Variants in PCDHA1 observed in about 807,000 individuals in gnomAD.
The protein encoded by PCDHA1 is protocadherin alpha-1.
In PCDHA1, 42 loss-of-function variants were observed where a neutral mutation model predicts 61.3. That is an observed-to-expected ratio of 0.69 (90% CI 0.54 to 0.89). The LOEUF (loss-of-function observed/expected upper bound fraction) is 0.89. Among genes scored for constraint, PCDHA1 ranks in the 40% least tolerant of loss-of-function variants. The probability of loss-of-function intolerance (pLI) is 0.00; values close to 1 mark genes in which losing one functional copy is unlikely to be tolerated. For synonymous variants in PCDHA1, 610 were observed against 553.8 expected, an observed-to-expected ratio of 1.10 and a Z score of -1.43; for missense variants, 1,256 against 1,235.3, an observed-to-expected ratio of 1.02 and a Z score of -0.25.
At chr5:140,990,314 C>G (rs1295117014) in intron 3 of PCDHA1, among the ~76,000 whole-genome samples, 1 of 152,094 alleles carries the variant, frequency 6.6e-6, no homozygotes, top group East Asian at 1.9e-4. Flanking sequence ...AAAAAACCAA[C>G]CAAACAAACT....
intron 1 of PCDHA1, among the ~76,000 whole-genome samples, chr5:140,932,376 A>G (rs2088262778): frequency 6.6e-6 from 1 of 151,964 alleles, no homozygotes; most frequent in African/African-American, 2.4e-5. Context: ...TTTCCACATG[A>G]AAGTTATACA....
At chr5:140,847,270 T>A (rs1780933593) in intron 1 of PCDHA1, among the ~76,000 whole-genome samples, 1 of 149,770 alleles carries the variant, frequency 6.7e-6, no homozygotes, top group African/African-American at 2.4e-5. Context: ...TGAAAGAAGG[T>A]TGAACGGGAA....
chr5:140,931,966 A>G (rs1554208694), intron 1 of PCDHA1, among the ~76,000 whole-genome samples: 1 of 151,950 alleles, frequency 6.6e-6, no homozygotes, highest in African/African-American at 2.4e-5. Context: ...ATGTTGATGC[A>G]TATGTGTTTA....
Position 140,786,558 on chromosome 5 carries a change from A to G in PCDHA1, c.268A>G (p.Ile90Val). Residue 90 changes from isoleucine to valine, a missense_variant, in exon 1 of 4, where the codon ATC becomes GTC. By Grantham distance (29) the Ile-to-Val change is conservative. Transcript: ENST00000504120. Reference sequence around the variant, plus strand: ...TGGCATTTTGTTTGTGAATTCTCGGATCGATCGCGAGGAGCTGTGCCAGTG... The same window carrying G: ...TGGCATTTTGTTTGTGAATTCTCGGGTCGATCGCGAGGAGCTGTGCCAGTG... Reference protein sequence around the residue: ...QNGILFVNSRIDREELCQWSA... With the variant: ...QNGILFVNSRVDREELCQWSA... 1 of 1,614,192 alleles carries G rather than the reference A, an allele frequency of 6.2e-7. No individual in the cohort carries two copies.
At chr5:140,925,690 G>GT (rs2082677818) in intron 1 of PCDHA1, among the ~76,000 whole-genome samples, 1 of 149,642 alleles carries the variant, frequency 6.7e-6, no homozygotes, top group African/African-American at 2.5e-5. Flanking sequence ...GCGAGGGTGG[G>GT]TATCTAGCCT....
intron 1 of PCDHA1, 167 bp from the exon 2 acceptor site, chr5:140,978,782 A>T (rs782295456): frequency 3.1e-5 from 30 of 971,664 alleles, no homozygotes; most frequent in Non-Finnish European, 3.7e-5. Context: ...TTTTCTTCTA[A>T]AGTGCTATAT....
At chr5:140,884,186 G>T in intron 1 of PCDHA1, 1 of 1,613,444 alleles carries the variant, frequency 6.2e-7, no homozygotes, top group East Asian at 2.2e-5. Context: ...TCTGGACGAG[G>T]TGGACGCGCC....
At chr5:140,789,047 C>A (rs1761508976) in intron 1 of PCDHA1, among the ~76,000 whole-genome samples, 1 of 152,202 alleles carries the variant, frequency 6.6e-6, no homozygotes, top group South Asian at 2.1e-4. Context: ...AAATGTCAAG[C>A]CCCGGACAAA....
intron 1 of PCDHA1, among the ~76,000 whole-genome samples, chr5:140,840,242 T>G (rs113669357): frequency 0.011 from 1,735 of 152,166 alleles, 51 homozygotes; most frequent in African/African-American, 0.04. Context: ...AGAATCACTA[T>G]GCTATAAAAA....
chr5:140,990,562 C>T (rs2097400496), intron 3 of PCDHA1, among the ~76,000 whole-genome samples: 1 of 152,210 alleles, frequency 6.6e-6, no homozygotes, highest in Non-Finnish European at 1.5e-5. Context: ...CAAGAACACA[C>T]ACCTGTTCGA....
chr5:140,871,919 A>G (rs1434717967), intron 1 of PCDHA1, among the ~76,000 whole-genome samples: 1 of 152,216 alleles, frequency 6.6e-6, no homozygotes, highest in African/African-American at 2.4e-5. Context: ...TGATATTTCC[A>G]CATTGTTAGA....
At chr5:140,886,403 AT>A (rs1196342524) in intron 1 of PCDHA1, among the ~76,000 whole-genome samples, 19 of 152,184 alleles carry the variant, frequency 1.2e-4, no homozygotes, top group African/African-American at 4.6e-4. Context: ...CATCACAAAT[AT>A]GTTTTCCTCC....
chr5:140,788,111 G>A lies in PCDHA1; in HGVS notation c.1821G>A (p.Leu607=), dbSNP rs782771275. The A allele has an allele frequency of 1.2e-6, 2 of 1,613,878 alleles. No individual in the cohort carries two copies. The highest frequency in any genetic ancestry group is 1.7e-6 in the Non-Finnish European group (2 of 1,179,928). The change falls in exon 1 of 4, where the codon CTG becomes CTA. Residue 607 remains leucine, a synonymous_variant. Transcript: ENST00000504120. ...CCGACTCGGGCTACAACGCGTGGCT[G>A]TCCTATGAACTGCAGCCGGCAGCAG... ...VDADSGYNAW[L]SYELQPAAGG...
rs2098423512 is a variant in PCDHA1 at position 141,012,298 on chromosome 5, T to A, written c.*2361T>A. On this transcript the variant is annotated 3_prime_UTR_variant, in exon 4 of 4. Transcript: ENST00000504120. ...ATGTGGATTCATTTTGAATTGGTGC[T>A]ATTGGTATTTCCTCTGTTATTGCTA... is the stretch of plus-strand genomic sequence containing the variant. The A allele has an allele frequency of 6.5e-6, 1 of 153,804 alleles. No individual in the cohort carries two copies. Among genetic ancestry groups the A allele is most frequent in the Non-Finnish European group, 1.5e-5 (1 of 68,048 alleles). 9.5% of individuals were successfully genotyped at this position (153,804 alleles called of 1,614,324 possible). A position where few individuals can be genotyped will look rare whatever the true frequency, so the allele number is the denominator to read the frequency against.
rs2098417470 is a variant in PCDHA1, at chr5:141,010,504, A to G, written c.*567A>G. On this transcript the variant is annotated 3_prime_UTR_variant, in exon 4 of 4. Coordinates refer to ENST00000504120, the MANE Select transcript of PCDHA1 (RefSeq NM_018900.4). ...AACTTAAAGGGACCAGACTTTCTAA[A>G]TCTTACAACTCAAGAGGTGGCAGCC... 3.6e-6 allele frequency: 2 copies of G among 549,616 alleles called. No homozygotes were observed. The allele number at this position is 549,616 out of a possible 1,614,324, so 34.0% of individuals were successfully genotyped here.
Position 140,882,272 on chromosome 5 carries a change from C to G in PCDHA1, c.2394+93588C>G, listed in dbSNP as rs782377951. On this transcript the variant is annotated intron_variant, in intron 1 of 3. Transcript: ENST00000504120. ...TCTGAGGTTTTTGGAGTGTACCATG[C>G]TGTCTTCCTGGCAAGGAGGCCCAAG... The G allele has an allele frequency of 5.0e-6, 8 of 1,611,430 alleles. No individual in the cohort carries two copies. The highest frequency in any genetic ancestry group is 6.8e-6 in the Non-Finnish European group (8 of 1,178,456).
At chr5:141,004,857 A>C (rs987029522) in intron 3 of PCDHA1, among the ~76,000 whole-genome samples, 2 of 152,150 alleles carry the variant, frequency 1.3e-5, no homozygotes, top group African/African-American at 4.8e-5. Context: ...TCAGAGAAAA[A>C]ATTTGTTTCT....
At chr5:140,881,075 G>A (rs2058577107) in intron 1 of PCDHA1, among the ~76,000 whole-genome samples, 1 of 152,202 alleles carries the variant, frequency 6.6e-6, no homozygotes, top group African/African-American at 2.4e-5. Context: ...AATTATTGGA[G>A]CTATGATATA....
intron 3 of PCDHA1, among the ~76,000 whole-genome samples, chr5:141,007,590 GATA>G (rs1332143320): frequency 4.0e-5 from 6 of 151,858 alleles, no homozygotes; most frequent in Non-Finnish European, 8.8e-5. Context: ...TAATAATCAT[GATA>G]ATAATAAAAG....
Sources: gnomAD v4.1 joint callset for allele counts (sites outside exome capture counted in the v4.1 genomes callset) on GRCh38, gnomAD v4.1.1 for gene constraint, MANE v1.5 for transcripts, NCBI Gene and HGNC (gene_info 2026-07-23, HGNC 2026-07-21) for gene names.